Variants in LPP observed in about 807,000 individuals in gnomAD.
LPP encodes lipoma-preferred partner.
A neutral mutation model predicts 60.4 loss-of-function variants in LPP; 38 were observed. That is an observed-to-expected ratio of 0.63 (90% CI 0.49 to 0.83). The LOEUF (loss-of-function observed/expected upper bound fraction) is 0.83, where lower values mean the gene tolerates loss of function less well. LPP is among the 40% of genes least tolerant of loss of function. LPP has a pLI of 0.00. For missense variants in LPP, 902 were observed against 783.6 expected, an observed-to-expected ratio of 1.15 and a Z score of -1.80; for synonymous variants, 328 against 290.8, an observed-to-expected ratio of 1.13 and a Z score of -1.30.
chr3:188,490,938 T>G (rs939212351), intron 5 of LPP, among the ~76,000 whole-genome samples: 5 of 151,798 alleles, frequency 3.3e-5, no homozygotes, highest in Admixed American at 6.6e-5. Flanking sequence ...TAGTTTTTTA[T>G]TTTTAGTAGA....
chr3:188,762,169 C>T (rs1437138451), intron 9 of LPP, among the ~76,000 whole-genome samples: 2 of 152,158 alleles, frequency 1.3e-5, no homozygotes, highest in African/African-American at 2.4e-5. Flanking sequence ...AACAGTGTAA[C>T]AGGGTGGGAA....
chr3:188,692,514 A>G (rs945669374), intron 7 of LPP, among the ~76,000 whole-genome samples: 1 of 152,192 alleles, frequency 6.6e-6, no homozygotes, highest in African/African-American at 2.4e-5. Flanking sequence ...CCTAATTCAA[A>G]TGCCACCTTT....
chr3:188,782,502 T>C (rs1740127379), intron 9 of LPP, among the ~76,000 whole-genome samples: 1 of 152,040 alleles, frequency 6.6e-6, no homozygotes, highest in South Asian at 2.1e-4. Flanking sequence ...ATTAAATGAG[T>C]TTATGTGGTT....
At chr3:188,498,834 T>C (rs568379577) in intron 5 of LPP, among the ~76,000 whole-genome samples, 3 of 152,336 alleles carry the variant, frequency 2.0e-5, no homozygotes, top group Admixed American at 1.3e-4. Flanking sequence ...GTCTCGATAA[T>C]AGCCATCCTA....
intron 9 of LPP, among the ~76,000 whole-genome samples, chr3:188,812,512 A>T (rs1329446567): frequency 6.6e-6 from 1 of 152,148 alleles, no homozygotes; most frequent in Non-Finnish European, 1.5e-5. Context: ...AAAAAAGCAC[A>T]ATTCAGTTTG....
At chr3:188,664,597 G>A (rs1274492769) in intron 7 of LPP, among the ~76,000 whole-genome samples, 1 of 151,932 alleles carries the variant, frequency 6.6e-6, no homozygotes, top group African/African-American at 2.4e-5. Flanking sequence ...ATGGATATAT[G>A]TGTATGTGTG....
chr3:188,649,306 C>A (rs889976416), intron 7 of LPP, among the ~76,000 whole-genome samples: 2 of 152,184 alleles, frequency 1.3e-5, no homozygotes, highest in African/African-American at 4.8e-5. Context: ...ACATTGTAAA[C>A]ACTCAAGCCA....
At chr3:188,795,980 T>C (rs1745223041) in intron 9 of LPP, among the ~76,000 whole-genome samples, 1 of 152,170 alleles carries the variant, frequency 6.6e-6, no homozygotes, top group Non-Finnish European at 1.5e-5. Flanking sequence ...AGAAAATGCT[T>C]ATCCAGTTAT....
At chr3:188,827,298 G>T in intron 9 of LPP, among the ~76,000 whole-genome samples, 1 of 152,092 alleles carries the variant, frequency 6.6e-6, no homozygotes, top group Non-Finnish European at 1.5e-5. Flanking sequence ...AAATAAGGCT[G>T]GAATAATAGT....
chr3:188,630,826 A>G (rs942227951), intron 7 of LPP, among the ~76,000 whole-genome samples: 1 of 152,226 alleles, frequency 6.6e-6, no homozygotes, highest in Non-Finnish European at 1.5e-5. Flanking sequence ...TGTATGCACC[A>G]TGGAATACTG....
intron 1 of LPP, among the ~76,000 whole-genome samples, chr3:188,170,062 G>C (rs1721104219): frequency 6.6e-6 from 1 of 152,186 alleles, no homozygotes; most frequent in Non-Finnish European, 1.5e-5. Context: ...TGACATGGCT[G>C]ATTTGGTGGA....
At chr3:188,599,882 T>A (rs1840780397) in intron 6 of LPP, among the ~76,000 whole-genome samples, 1 of 150,700 alleles carries the variant, frequency 6.6e-6, no homozygotes, top group South Asian at 2.1e-4. Flanking sequence ...CAACTAAAAT[T>A]GTGTGATTTT....
Position 188,441,609 on chromosome 3 carries a change from C to CTTTCTTTTTTTTTTTTTTTTTTTTTT in LPP, c.193+35299_193+35300insCTTTTTTTTTTTTTTTTTTTTTTTTT, listed in dbSNP as rs1793886236. Among the ~76,000 whole-genome samples, 17 of 55,652 alleles carry CTTTCTTTTTTTTTTTTTTTTTTTTTT rather than the reference C, an allele frequency of 3.1e-4. 1 individual carries two copies. Among genetic ancestry groups the CTTTCTTTTTTTTTTTTTTTTTTTTTT allele is most frequent in the Non-Finnish European group, 4.4e-4 (13 of 29,446 alleles). 36.5% of individuals were successfully genotyped at this position (55,652 alleles called of 152,430 possible). The stretch of plus-strand genomic sequence containing the variant: ...ACAGTTTCTTTTTTTCTTTTCTTTT[C>CTTTCTTTTTTTTTTTTTTTTTTTTTT]TTTTTTTTTTTTTTTTTTTTTTTTT... On this transcript the variant is annotated intron_variant, in intron 4 of 11. Transcript: ENST00000617246.
At chr3:188,419,800 G>A (rs948505711) in intron 4 of LPP, among the ~76,000 whole-genome samples, 2 of 152,166 alleles carry the variant, frequency 1.3e-5, no homozygotes, top group African/African-American at 4.8e-5. Flanking sequence ...TGAGGCAGGC[G>A]AATCACTTGA....
chr3:188,316,770 A>G (rs1002018431), intron 2 of LPP, among the ~76,000 whole-genome samples: 1 of 152,240 alleles, frequency 6.6e-6, no homozygotes, highest in Admixed American at 6.5e-5. Context: ...AAAAATGCAA[A>G]GAAGGCAAAT....
At chr3:188,700,923 C>A (rs1269980317) in intron 7 of LPP, among the ~76,000 whole-genome samples, 1 of 151,970 alleles carries the variant, frequency 6.6e-6, no homozygotes, top group African/African-American at 2.4e-5. Flanking sequence ...TAGAGTAGAA[C>A]CAAAGGAAGC....
chr3:188,394,091 G>A (rs111423647), intron 3 of LPP, among the ~76,000 whole-genome samples: 5,663 of 152,248 alleles, frequency 0.037, 324 homozygotes, highest in African/African-American at 0.13. Context: ...ACTGGTTTGA[G>A]ACTTAAAAAT....
intron 5 of LPP, among the ~76,000 whole-genome samples, chr3:188,519,941 A>G (rs1040971138): frequency 6.6e-6 from 1 of 152,200 alleles, no homozygotes; most frequent in African/African-American, 2.4e-5. Flanking sequence ...GGTTAGTGAT[A>G]GTTGGCCTGA....
At chr3:188,697,450 T>C (rs1415039082) in intron 7 of LPP, among the ~76,000 whole-genome samples, 1 of 152,230 alleles carries the variant, frequency 6.6e-6, no homozygotes, top group Non-Finnish European at 1.5e-5. Context: ...CGTTCAGGCA[T>C]CTGTCAAGCC....
Sources: allele counts gnomAD v4.1 joint callset (sites outside exome capture counted in the v4.1 genomes callset), GRCh38; gene constraint gnomAD v4.1.1; transcripts MANE v1.5; gene names NCBI Gene and HGNC (gene_info 2026-07-23, HGNC 2026-07-21).